The following ALG14 variants were observed in gnomAD, a reference collection of about 807,000 sequenced individuals.
ALG14 encodes ALG14 UDP-N-acetylglucosaminyltransferase subunit, also known as UDP-N-acetylglucosamine transferase subunit ALG14.
ALG14 carries 17 observed loss-of-function variants against 22.8 expected under a neutral mutation model. The ratio of observed to expected loss-of-function variants is 0.75; its 90% CI spans 0.51 to 1.12. The LOEUF is 1.12. Ranked by LOEUF, ALG14 falls within the 50% of genes most tolerant of loss-of-function variation. The probability of loss-of-function intolerance (pLI) is 0.00; values close to 1 mark genes in which losing one functional copy is unlikely to be tolerated. For missense variants in ALG14, 288 were observed against 271.8 expected (o/e 1.06, Z -0.42); for synonymous variants, 89 against 103.7 (o/e 0.86, Z 0.86).
chr1:95,030,563 T>C (rs1302196831), intron 2 of ALG14, among the ~76,000 whole-genome samples: 1 of 152,214 alleles, frequency 6.6e-6, no homozygotes, highest in Non-Finnish European at 1.5e-5. Flanking sequence ...TTAATTTTGT[T>C]AAGGCTGTGA....
rs192892690 is a variant in ALG14, at chr1:95,028,780, T to C, written c.289-1520A>G. Among the ~76,000 whole-genome samples, 173 of 151,952 alleles carry C rather than the reference T, an allele frequency of 1.1e-3. 2 individuals carry two copies. The highest frequency in any genetic ancestry group is 0.011 in the Admixed American group (162 of 15,246). ...TGCCACTGCACTCCAGCTTGGGTGA[T>C]AGAGCAAGAGTCTGCCTCAAAAAAA... On this transcript the variant is annotated intron_variant, in intron 2 of 3. Transcript: ENST00000370205.
intron 2 of ALG14, among the ~76,000 whole-genome samples, chr1:95,049,762 T>C (rs554394627): frequency 6.6e-6 from 1 of 151,816 alleles, no homozygotes; most frequent in Non-Finnish European, 1.5e-5. Context: ...TCCCAGCTAC[T>C]TGGGGGGCTG....
intron 2 of ALG14, chr1:95,061,541 T>G (rs1236719764): frequency 6.6e-6 from 1 of 151,114 alleles, no homozygotes; most frequent in South Asian, 2.1e-4. Flanking sequence ...GGGAGTGGGG[T>G]AGGGTTCTAG....
At chr1:95,001,997 T>C (rs1260424113) in intron 3 of ALG14, among the ~76,000 whole-genome samples, 1 of 152,246 alleles carries the variant, frequency 6.6e-6, no homozygotes, top group African/African-American at 2.4e-5. Flanking sequence ...CATGATTTTC[T>C]AAACTTCCAC....
At chr1:95,027,988 T>C (rs982181617) in intron 2 of ALG14, among the ~76,000 whole-genome samples, 1 of 152,210 alleles carries the variant, frequency 6.6e-6, no homozygotes, top group Non-Finnish European at 1.5e-5. Context: ...GTAAAATATA[T>C]GGAGATATAT....
rs374511849 is a variant in ALG14, at chr1:95,017,077, G to A, written c.420+10052C>T. Among the ~76,000 whole-genome samples, 109 of 151,888 alleles carry A rather than the reference G, an allele frequency of 7.2e-4. 4 individuals carry two copies. In the South Asian group the frequency reaches 0.022, roughly 30 times the overall value. On this transcript the variant is annotated intron_variant, in intron 3 of 3. Coordinates refer to ENST00000370205, the MANE Select transcript of ALG14 (RefSeq NM_144988.4). ...TGAATCAGACAAGATGTGTGTGTCT[G>A]CTATCGCCCAAGGATCATCAGTTTG...
chr1:95,045,412 G>A (rs1314516482), intron 2 of ALG14, among the ~76,000 whole-genome samples: 1 of 152,022 alleles, frequency 6.6e-6, no homozygotes, highest in African/African-American at 2.4e-5. Context: ...TCATTTTAAG[G>A]AAACCATTGA....
At position 94,981,485 on chromosome 1, in the gene ALG14, A is replaced by C. The variant is rs1672492270; in HGVS notation, c.*1591T>G. 2 of 150,664 alleles carry C rather than the reference A, an allele frequency of 1.3e-5. No homozygotes were observed. The highest frequency in any genetic ancestry group is 4.2e-4 in the South Asian group (2 of 4,800). 9.3% of individuals were successfully genotyped at this position (150,664 alleles called of 1,614,324 possible). Reference sequence around the variant, plus strand: ...TTTTTTTTTAAAAAAAAAAAAAAGAAAAAAGGCTGGATCAGCCTCAGGATT... The same window carrying C: ...TTTTTTTTTAAAAAAAAAAAAAAGACAAAAGGCTGGATCAGCCTCAGGATT... On this transcript the variant is annotated 3_prime_UTR_variant, in exon 4 of 4. Coordinates refer to ENST00000370205, the MANE Select transcript of ALG14 (RefSeq NM_144988.4).
rs1460706896 is a variant in ALG14 at position 94,985,029 on chromosome 1, C to T, written c.421-1723G>A. Among the ~76,000 whole-genome samples the T allele has an allele frequency of 2.0e-5, 3 of 151,974 alleles. No homozygotes were observed. In the East Asian group the frequency reaches 5.8e-4, roughly 29 times the overall value. ...TGAGCACAAGCAAGTTGTATCATCC[C>T]TTTTTGCAGAGGAGAAAAGGCAGGC... On this transcript the variant is annotated intron_variant, in intron 3 of 3. Transcript: ENST00000370205.
chr1:94,984,384 C>T (rs775851038), intron 3 of ALG14, among the ~76,000 whole-genome samples: 14 of 152,100 alleles, frequency 9.2e-5, no homozygotes, highest in Non-Finnish European at 2.1e-4. Context: ...GGACTCTCCC[C>T]GACAGAAAGA....
chr1:95,027,007 G>A, intron 3 of ALG14, 122 bp downstream of exon 3: 1 of 1,243,158 alleles, frequency 8.0e-7, no homozygotes, highest in Non-Finnish European at 1.1e-6. Flanking sequence ...GCCAGTTCAG[G>A]GTCTTGCATA....
At chr1:94,999,883 T>G (rs1260065765) in intron 3 of ALG14, among the ~76,000 whole-genome samples, 1 of 152,202 alleles carries the variant, frequency 6.6e-6, no homozygotes, top group Non-Finnish European at 1.5e-5. Flanking sequence ...GCTCTTGATC[T>G]CCACCATCCC....
intron 1 of ALG14, among the ~76,000 whole-genome samples, chr1:95,067,740 C>T (rs1231146624): frequency 6.6e-6 from 1 of 152,190 alleles, no homozygotes; most frequent in Non-Finnish European, 1.5e-5. Context: ...ACCCACTTCC[C>T]CTTCAGTCTA....
intron 3 of ALG14, among the ~76,000 whole-genome samples, chr1:95,010,890 A>G (rs921371556): frequency 1.3e-5 from 2 of 152,236 alleles, no homozygotes; most frequent in South Asian, 2.1e-4. Context: ...AAAGATTTGG[A>G]AGATAAAATT....
intron 2 of ALG14, among the ~76,000 whole-genome samples, chr1:95,049,333 G>A (rs1210075749): frequency 2.6e-5 from 4 of 152,058 alleles, no homozygotes; most frequent in African/African-American, 7.2e-5. Flanking sequence ...AGGAGTTCGC[G>A]ACCAGTCTGG....
At chr1:95,028,887 C>T (rs546238841) in intron 2 of ALG14, among the ~76,000 whole-genome samples, 1 of 152,066 alleles carries the variant, frequency 6.6e-6, no homozygotes, top group Non-Finnish European at 1.5e-5. Context: ...TTTCATTTTT[C>T]AGGTCAGAAT....
At chr1:95,010,995 C>T (rs1673345657) in intron 3 of ALG14, among the ~76,000 whole-genome samples, 1 of 152,070 alleles carries the variant, frequency 6.6e-6, no homozygotes, top group Admixed American at 6.5e-5. Flanking sequence ...ACCATCCTGA[C>T]CATATATTTA....
chr1:95,024,459 C>T lies in ALG14; in HGVS notation c.420+2670G>A, dbSNP rs920287430. Among the ~76,000 whole-genome samples the T allele has an allele frequency of 2.2e-4, 34 of 152,148 alleles. 1 individual carries two copies. Among genetic ancestry groups the T allele is most frequent in the African/African-American group, 8.0e-4 (33 of 41,426 alleles). The stretch of plus-strand genomic sequence containing the variant: ...AATACTGGATAACTTTTCAATTGAG[C>T]AAGTTAGCTAATATTAGCAGAATCT... On this transcript the variant is annotated intron_variant, in intron 3 of 3. Transcript: ENST00000370205.
At chr1:95,037,204 C>T (rs1674228316) in intron 2 of ALG14, among the ~76,000 whole-genome samples, 1 of 152,040 alleles carries the variant, frequency 6.6e-6, no homozygotes, top group African/African-American at 2.4e-5. Context: ...TAACTCATTC[C>T]TCTCATATTC....
Sources: gnomAD v4.1 joint callset for allele counts (sites outside exome capture counted in the v4.1 genomes callset) on GRCh38, gnomAD v4.1.1 for gene constraint, MANE v1.5 for transcripts, NCBI Gene and HGNC (gene_info 2026-07-23, HGNC 2026-07-21) for gene names.